The following EIPR1 variants were observed in gnomAD, a reference collection of about 807,000 sequenced individuals.
EIPR1 encodes EARP complex and GARP complex interacting protein 1.
A neutral mutation model predicts 48.1 loss-of-function variants in EIPR1; 25 were observed. The ratio of observed to expected loss-of-function variants is 0.52; its 90% CI spans 0.38 to 0.73. EIPR1 has a LOEUF of 0.73. Ranked by LOEUF, EIPR1 falls within the 30% of genes least tolerant of loss-of-function variation. The pLI, the probability that EIPR1 is intolerant of heterozygous loss-of-function variation, is 0.00. For synonymous variants in EIPR1, 204 were observed against 201.9 expected (o/e 1.01, Z -0.09); for missense variants, 415 against 506.2 (o/e 0.82, Z 1.73).
intron 2 of EIPR1, among the ~76,000 whole-genome samples, chr2:3,338,919 A>G (rs1006209449): frequency 2.6e-5 from 4 of 152,342 alleles, no homozygotes; most frequent in African/African-American, 7.2e-5. Flanking sequence ...TACTAAGAAA[A>G]TATTCATGGG....
At chr2:3,308,576 A>C (rs1669024472) in intron 3 of EIPR1, among the ~76,000 whole-genome samples, 1 of 152,214 alleles carries the variant, frequency 6.6e-6, no homozygotes, top group Non-Finnish European at 1.5e-5. Context: ...GAGAGGAGAA[A>C]GTGAGGTTGA....
Position 3,338,035 on chromosome 2 carries a change from T to G in EIPR1, c.241A>C (p.Thr81Pro). ...CACTTACTTCTGTTGTAGCAGGTCG[T>G]CAGCACACCTCTGTCTGCAGGGCTA... The part of the protein sequence containing the change: ...SASPADRGVL[T>P]TCYNRTSDSK... The change falls in exon 3 of 9, where the codon ACG (threonine) becomes CCG (proline). Residue 81 changes from threonine (T) to proline (P), a missense_variant. Transcript: ENST00000382125. 6.2e-7 allele frequency: 1 copy of G among 1,602,674 alleles called. No individual in the cohort carries two copies. The highest frequency in any genetic ancestry group is 8.5e-7 in the Non-Finnish European group (1 of 1,177,414).
At chr2:3,225,556 G>A (rs1264738145) in intron 4 of EIPR1, among the ~76,000 whole-genome samples, 2 of 152,158 alleles carry the variant, frequency 1.3e-5, no homozygotes, top group Admixed American at 1.3e-4. Flanking sequence ...GCAATGTGAT[G>A]TTTTGATATG....
intron 3 of EIPR1, among the ~76,000 whole-genome samples, chr2:3,325,649 C>G (rs1342313702): frequency 6.6e-6 from 1 of 152,242 alleles, no homozygotes; most frequent in African/African-American, 2.4e-5. Flanking sequence ...GCATCCTTTA[C>G]ACACTGCTAC....
chr2:3,218,188 T>C (rs1005836317), intron 4 of EIPR1, among the ~76,000 whole-genome samples: 12 of 146,370 alleles, frequency 8.2e-5, no homozygotes, highest in East Asian at 2.1e-4. Context: ...AACACGGCCC[T>C]GATACGCTCT....
chr2:3,260,573 C>A (rs1272638282), intron 3 of EIPR1, among the ~76,000 whole-genome samples: 1 of 150,418 alleles, frequency 6.6e-6, no homozygotes. Flanking sequence ...AGAAAGAAAA[C>A]AAAAGAAAAG....
chr2:3,265,887 T>C (rs886514023), intron 3 of EIPR1, among the ~76,000 whole-genome samples: 1 of 152,236 alleles, frequency 6.6e-6, no homozygotes, highest in Non-Finnish European at 1.5e-5. Context: ...CCAGAATGAA[T>C]GGAGCCTCCT....
chr2:3,283,221 C>T (rs1220834471), intron 3 of EIPR1, among the ~76,000 whole-genome samples: 1 of 152,164 alleles, frequency 6.6e-6, no homozygotes, highest in Admixed American at 6.5e-5. Context: ...GCAGGGACAT[C>T]CTAAGAGGGT....
chr2:3,290,055 T>TC (rs1300455282), intron 3 of EIPR1, among the ~76,000 whole-genome samples: 1 of 152,236 alleles, frequency 6.6e-6, no homozygotes, highest in Non-Finnish European at 1.5e-5. Flanking sequence ...TTCTCCTTTA[T>TC]CCCATTGCAC....
intron 3 of EIPR1, among the ~76,000 whole-genome samples, chr2:3,328,849 G>A (rs1296228605): frequency 9.5e-5 from 10 of 105,204 alleles, no homozygotes; most frequent in Non-Finnish European, 1.4e-4. Context: ...GGCACCAGCT[G>A]GGCTCCCCTG....
At chr2:3,267,126 C>T (rs2103235966) in intron 3 of EIPR1, among the ~76,000 whole-genome samples, 1 of 152,358 alleles carries the variant, frequency 6.6e-6, no homozygotes, top group East Asian at 1.9e-4. Context: ...AAGTCCACCT[C>T]AGAGGGCCCA....
chr2:3,337,464 C>T (rs965975871), intron 3 of EIPR1, among the ~76,000 whole-genome samples: 25 of 152,126 alleles, frequency 1.6e-4, no homozygotes, highest in African/African-American at 5.1e-4. Context: ...TACTCATTGA[C>T]GATGACCAAA....
intron 2 of EIPR1, among the ~76,000 whole-genome samples, chr2:3,354,119 G>C (rs1479457862): frequency 6.6e-6 from 1 of 152,290 alleles, no homozygotes; most frequent in South Asian, 2.1e-4. Context: ...TCCCCACCTG[G>C]ATCAAGGGGC....
chr2:3,313,386 C>G (rs1290448382), intron 3 of EIPR1, among the ~76,000 whole-genome samples: 1 of 151,826 alleles, frequency 6.6e-6, no homozygotes, highest in Non-Finnish European at 1.5e-5. Context: ...TGGGGGGGTT[C>G]AAGGCGCACA....
At chr2:3,192,820 A>G (rs569944188) in intron 7 of EIPR1, among the ~76,000 whole-genome samples, 1 of 152,074 alleles carries the variant, frequency 6.6e-6, no homozygotes, top group Non-Finnish European at 1.5e-5. Context: ...TGAAACCTAC[A>G]GGAGGAGAAG....
At chr2:3,368,578 G>A (rs1316657224) in intron 1 of EIPR1, among the ~76,000 whole-genome samples, 1 of 152,186 alleles carries the variant, frequency 6.6e-6, no homozygotes, top group Admixed American at 6.5e-5. Context: ...AGGCAAGTTT[G>A]CCACATGGAG....
chr2:3,315,026 G>A (rs1431453384), intron 3 of EIPR1, among the ~76,000 whole-genome samples: 2 of 151,176 alleles, frequency 1.3e-5, no homozygotes, highest in African/African-American at 2.4e-5. Flanking sequence ...TTACTCACAT[G>A]TCCCCACCAT....
rs569158220 is a variant in EIPR1 at position 3,343,721 on chromosome 2, C to T, written c.127-5572G>A. Among the ~76,000 whole-genome samples the T allele has an allele frequency of 7.2e-5, 11 of 152,286 alleles. No individual in the cohort carries two copies. The South Asian group carries it at 1.9e-3, about 26-fold the overall frequency. ...CCTCTCCCTCCTTTTCTGCAAGAATCGGGGCTTGGAGAGAAATGCTGTGTG... is the reference window on the plus strand; with the variant it reads ...CCTCTCCCTCCTTTTCTGCAAGAATTGGGGCTTGGAGAGAAATGCTGTGTG... On this transcript the variant is annotated intron_variant, in intron 2 of 8. Coordinates refer to ENST00000382125, the MANE Select transcript of EIPR1 (RefSeq NM_003310.5).
At chr2:3,362,942 G>C (rs1670886739) in intron 1 of EIPR1, among the ~76,000 whole-genome samples, 1 of 152,204 alleles carries the variant, frequency 6.6e-6, no homozygotes, top group African/African-American at 2.4e-5. Flanking sequence ...TGGTAGGAAG[G>C]AGAGTAGGGC....
Sources: allele counts gnomAD v4.1 joint callset (sites outside exome capture counted in the v4.1 genomes callset), GRCh38; gene constraint gnomAD v4.1.1; transcripts MANE v1.5; gene names NCBI Gene and HGNC (gene_info 2026-07-23, HGNC 2026-07-21).